PARN: variants seen among roughly 807,000 people sequenced by gnomAD.
The protein encoded by PARN is poly(A)-specific ribonuclease PARN.
In PARN, 71 loss-of-function variants were observed where a neutral mutation model predicts 102.8. That is an observed-to-expected ratio of 0.69 (90% confidence interval 0.57 to 0.84). The LOEUF is 0.84. PARN is among the 40% of genes least tolerant of loss of function. The probability of loss-of-function intolerance (pLI) is 0.00; values close to 1 mark genes in which losing one functional copy is unlikely to be tolerated. For synonymous variants in PARN, 261 were observed against 252.9 expected, an observed-to-expected ratio of 1.03 and a Z score of -0.30; for missense variants, 782 against 760.9, an observed-to-expected ratio of 1.03 and a Z score of -0.33.
chr16:14,440,464 T>C (rs1960895308), intron 23 of PARN, among the ~76,000 whole-genome samples: 1 of 152,158 alleles, frequency 6.6e-6, no homozygotes, highest in Non-Finnish European at 1.5e-5. Context: ...TGAAGTTAAA[T>C]ATACAGTTAC....
At chr16:14,447,160 CTTAATTCTA>C in intron 22 of PARN, 79 bp from the exon 23 acceptor site, 1 of 925,196 alleles carries the variant, frequency 1.1e-6, no homozygotes, top group South Asian at 2.0e-5. Context: ...TTTTAATACT[CTTAATTCTA>C]TTAACACTCA....
chr16:14,551,667 A>G (rs1967311328), intron 21 of PARN, among the ~76,000 whole-genome samples: 1 of 152,188 alleles, frequency 6.6e-6, no homozygotes, highest in Non-Finnish European at 1.5e-5. Context: ...AATGGGGGGA[A>G]AGTACAGAGA....
At chr16:14,546,712 A>T (rs533584615) in intron 21 of PARN, among the ~76,000 whole-genome samples, 2 of 152,214 alleles carry the variant, frequency 1.3e-5, no homozygotes, top group South Asian at 2.1e-4. Flanking sequence ...GTTCTACTAC[A>T]TTTGAAATAT....
chr16:14,600,758 C>T (rs1247467054), intron 11 of PARN, among the ~76,000 whole-genome samples: 1 of 152,136 alleles, frequency 6.6e-6, no homozygotes, highest in Non-Finnish European at 1.5e-5. Context: ...TGGTGAAACC[C>T]TGTCTCTACT....
intron 21 of PARN, among the ~76,000 whole-genome samples, chr16:14,504,130 C>A (rs745709046): frequency 6.6e-6 from 1 of 152,164 alleles, no homozygotes; most frequent in Non-Finnish European, 1.5e-5. Flanking sequence ...TGAAAACAAT[C>A]TGAAATGAGG....
intron 14 of PARN, among the ~76,000 whole-genome samples, chr16:14,585,132 T>C (rs1019193830): frequency 3.3e-5 from 5 of 152,182 alleles, no homozygotes; most frequent in African/African-American, 1.2e-4. Context: ...GTGAGTCAAA[T>C]ACTCTCACAT....
At chr16:14,492,076 G>A (rs1017465721) in intron 21 of PARN, among the ~76,000 whole-genome samples, 2 of 152,240 alleles carry the variant, frequency 1.3e-5, no homozygotes, top group Non-Finnish European at 2.9e-5. Flanking sequence ...GGGAGCCAGA[G>A]CTTGGGATTC....
chr16:14,494,790 G>T (rs998714275), intron 21 of PARN, among the ~76,000 whole-genome samples: 25 of 152,272 alleles, frequency 1.6e-4, no homozygotes, highest in African/African-American at 5.5e-4. Context: ...GCGGTGGCTT[G>T]TTAGGATGGA....
At chr16:14,477,621 G>A (rs551821451) in intron 22 of PARN, among the ~76,000 whole-genome samples, 2 of 148,826 alleles carry the variant, frequency 1.3e-5, no homozygotes, top group South Asian at 4.3e-4. Flanking sequence ...ACTAAAAATC[G>A]AAAAAAAATT....
At chr16:14,629,431 G>A (rs1317272103) in intron 2 of PARN, among the ~76,000 whole-genome samples, 166 bp downstream of exon 2, 1 of 152,104 alleles carries the variant, frequency 6.6e-6, no homozygotes, top group Non-Finnish European at 1.5e-5. Context: ...CATTTCTTTC[G>A]TGCTTTTGAA....
chr16:14,622,579 A>C (rs947664909), intron 5 of PARN, among the ~76,000 whole-genome samples: 4 of 152,228 alleles, frequency 2.6e-5, no homozygotes, highest in African/African-American at 9.6e-5. Flanking sequence ...ATCTTGGCTC[A>C]GTGCAAGCTC....
chr16:14,526,180 T>C (rs1473240968), intron 21 of PARN, among the ~76,000 whole-genome samples: 4 of 129,320 alleles, frequency 3.1e-5, no homozygotes, highest in Non-Finnish European at 5.2e-5. Context: ...TCATCCACTG[T>C]TTTTTTTTTT....
At chr16:14,480,170 T>C (rs1416783414) in intron 22 of PARN, among the ~76,000 whole-genome samples, 4 of 151,722 alleles carry the variant, frequency 2.6e-5, no homozygotes, top group Admixed American at 1.3e-4. Context: ...CTGTCTCTAC[T>C]AAAAAAACAA....
intron 21 of PARN, among the ~76,000 whole-genome samples, chr16:14,489,048 C>T (rs914651336): frequency 3.3e-5 from 5 of 152,018 alleles, no homozygotes; most frequent in East Asian, 1.9e-4. Flanking sequence ...AGTGATGTAA[C>T]GGTGAATGAT....
intron 21 of PARN, among the ~76,000 whole-genome samples, chr16:14,520,830 C>T (rs546150547): frequency 2.0e-5 from 3 of 152,188 alleles, no homozygotes; most frequent in African/African-American, 7.2e-5. Context: ...GGACTGGCCA[C>T]GATTAAGTGG....
At chr16:14,614,441 G>A (rs1329950980) in intron 6 of PARN, among the ~76,000 whole-genome samples, 5 of 152,204 alleles carry the variant, frequency 3.3e-5, no homozygotes, top group Non-Finnish European at 5.9e-5. Context: ...AGGGGCAGGA[G>A]TGGAGAGAAT....
chr16:14,498,171 T>A (rs1280696991), intron 21 of PARN, among the ~76,000 whole-genome samples: 1 of 150,286 alleles, frequency 6.7e-6, no homozygotes. Flanking sequence ...ATGACTCAGC[T>A]TATTCATTAA....
intron 5 of PARN, among the ~76,000 whole-genome samples, chr16:14,619,857 G>C (rs1222633060): frequency 6.6e-6 from 1 of 151,660 alleles, no homozygotes; most frequent in East Asian, 1.9e-4. Context: ...GGATCAAGAG[G>C]TCAGGAGTTC....
At chr16:14,510,396 T>C (rs1965121084) in intron 21 of PARN, among the ~76,000 whole-genome samples, 1 of 152,200 alleles carries the variant, frequency 6.6e-6, no homozygotes, top group Non-Finnish European at 1.5e-5. Flanking sequence ...TTCTATCATT[T>C]TGGCGAATTC....
Sources: allele counts gnomAD v4.1 joint callset (sites outside exome capture counted in the v4.1 genomes callset), GRCh38; gene constraint gnomAD v4.1.1; transcripts MANE v1.5; gene names NCBI Gene and HGNC (gene_info 2026-07-23, HGNC 2026-07-21).